The following RAB1B variants were observed in gnomAD, a reference collection of about 807,000 sequenced individuals.
RAB1B encodes the protein RAB1B, member RAS oncogene family, also known as ras-related protein Rab-1B.
In RAB1B, 10 loss-of-function variants were observed where a neutral mutation model predicts 24.8. That is an observed-to-expected ratio of 0.40 (90% CI 0.25 to 0.68). The LOEUF is 0.68. Among genes scored for constraint, RAB1B ranks in the 30% least tolerant of loss-of-function variants. The probability of loss-of-function intolerance (pLI) is 0.37; values close to 1 mark genes in which losing one functional copy is unlikely to be tolerated. For missense variants in RAB1B, 154 were observed against 271.2 expected (o/e 0.57, Z 3.04); for synonymous variants, 99 against 111.7 (o/e 0.89, Z 0.72).
At position 66,276,771 on chromosome 11, in the gene RAB1B, C is replaced by T. The variant is rs1327719808; in HGVS notation, c.*533C>T. ...GGCCCAGCAGCCCACCCTTTCCTCT[C>T]CCCACTGCCTCCTCTCCCTTCCTAC... On this transcript the variant is annotated 3_prime_UTR_variant, in exon 6 of 6. Coordinates refer to ENST00000311481, the MANE Select transcript of RAB1B (RefSeq NM_030981.3). The T allele has an allele frequency of 6.5e-6, 1 of 153,146 alleles. No homozygotes were observed. Among genetic ancestry groups the T allele is most frequent in the African/African-American group, 2.4e-5 (1 of 41,348 alleles). The allele number at this position is 153,146 out of a possible 1,614,324, so 9.5% of individuals were successfully genotyped here.
At chr11:66,272,552 C>T in intron 4 of RAB1B, 92 bp downstream of exon 4, 1 of 850,422 alleles carries the variant, frequency 1.2e-6, no homozygotes, top group Non-Finnish European at 1.8e-6. Context: ...TTTCCTGATG[C>T]TTCCTGGAAA....
In RAB1B at chr11:66,276,491, A is replaced by G; in HGVS notation, c.*253A>G. ...CCTGCTGTGCTGTTGCCTCTAGGTG[A>G]CTTTCCAAGATGCCCCCCTACACAC... On this transcript the variant is annotated 3_prime_UTR_variant, in exon 6 of 6. Coordinates refer to ENST00000311481, the MANE Select transcript of RAB1B (RefSeq NM_030981.3). 2.1e-6 allele frequency: 1 copy of G among 474,388 alleles called. No homozygotes were observed. Among genetic ancestry groups the G allele is most frequent in the Non-Finnish European group, 3.7e-6 (1 of 270,224 alleles). 29.4% of individuals were successfully genotyped at this position (474,388 alleles called of 1,614,324 possible).
Position 66,275,817 on chromosome 11 carries a change from A to C in RAB1B, c.293A>C (p.Asn98Thr). 6.3e-7 allele frequency: 1 copy of C among 1,584,986 alleles called. No individual in the cohort carries two copies. The highest frequency in any genetic ancestry group is 8.6e-7 in the Non-Finnish European group (1 of 1,166,274). The change falls in exon 5 of 6, where the codon AAC becomes ACC. Residue 98 changes from asparagine to threonine, a missense_variant. By Grantham distance (65) the Asn-to-Thr change is moderately conservative. This residue lies in a region of RAB1B where 77 missense variants were observed against 173.4 expected (regional missense o/e 0.44). Transcript: ENST00000311481. ...GGCCCCCTTTAGGAATCCTACGCCA[A>C]CGTGAAGCAGTGGCTGCAGGAGATT... ...YDVTDQESYA[N>T]VKQWLQEIDR...
chr11:66,272,006 G>C, intron 2 of RAB1B, 137 bp downstream of exon 2: 1 of 940,254 alleles, frequency 1.1e-6, no homozygotes, highest in South Asian at 1.3e-5. Context: ...CAGCACATCT[G>C]CCCTGAACAA....
intron 4 of RAB1B, among the ~76,000 whole-genome samples, chr11:66,275,362 C>T (rs1166490807): frequency 3.3e-5 from 5 of 152,168 alleles, no homozygotes; most frequent in Non-Finnish European, 7.3e-5. Context: ...CTGAGAGGAC[C>T]CTCGAACTCC....
At chr11:66,268,749 G>A (rs1808507202) in intron 1 of RAB1B, 56 bp downstream of exon 1, 5 of 1,512,364 alleles carry the variant, frequency 3.3e-6, no homozygotes, top group South Asian at 2.5e-5. Context: ...ATACAGGGCT[G>A]TACGCTTACC....
rs1463037375 is a variant in RAB1B at position 66,276,376 on chromosome 11, T to C, written c.*138T>C. On this transcript the variant is annotated 3_prime_UTR_variant, in exon 6 of 6. Coordinates refer to ENST00000311481, the MANE Select transcript of RAB1B (RefSeq NM_030981.3). ...GGGTGTCCTGGGCTCCCCATCTCCT[T>C]CTGGCCCATCTGCCTGCTGCCCTGA... 6 of 793,704 alleles carry C rather than the reference T, an allele frequency of 7.6e-6. No individual in the cohort carries two copies. The highest frequency in any genetic ancestry group is 7.0e-5 in the African/African-American group (4 of 56,766). The allele number at this position is 793,704 out of a possible 1,614,324, so 49.2% of individuals were successfully genotyped here. A position where few individuals can be genotyped will look rare whatever the true frequency, so the allele number is the denominator to read the frequency against.
Position 66,268,830 on chromosome 11 carries a change from C to CCA in RAB1B, c.14+140_14+141dup, listed in dbSNP as rs1555003538. On this transcript the variant is annotated intron_variant, in intron 1 of 5. Transcript: ENST00000311481. ...GGGTCCCTCTTCCGCTGACCCCCCC[C>CCA]CACATCCGGGTTCTGCCCCTCCCCC... is the stretch of plus-strand genomic sequence containing the variant. 3,235 of 945,384 alleles carry CCA rather than the reference C, an allele frequency of 3.4e-3. 63 individuals are homozygous for CCA. Among genetic ancestry groups the CCA allele is most frequent in the Non-Finnish European group, 3.8e-3 (2,660 of 703,134 alleles). 58.6% of individuals were successfully genotyped at this position (945,384 alleles called of 1,614,324 possible). A position where few individuals can be genotyped will look rare whatever the true frequency, so the allele number is the denominator to read the frequency against.
At chr11:66,272,028 C>A in intron 2 of RAB1B, 129 bp from the exon 3 acceptor site, 1 of 951,656 alleles carries the variant, frequency 1.1e-6, no homozygotes, top group Non-Finnish European at 1.7e-6. Context: ...ACAGGGCTGG[C>A]CAGCTGAGTG....
rs781415786 is a variant in RAB1B at position 66,276,258 on chromosome 11, A to G, written c.*20A>G. ...TGCTAGGAGGGGCACATGGAGTGGG[A>G]CAGGAGGGGGCACCTTCTCCAGATG... On this transcript the variant is annotated 3_prime_UTR_variant, in exon 6 of 6. Coordinates refer to ENST00000311481, the MANE Select transcript of RAB1B (RefSeq NM_030981.3). 1 of 1,552,822 alleles carries G rather than the reference A, an allele frequency of 6.4e-7. No individual in the cohort carries two copies. Among genetic ancestry groups the G allele is most frequent in the South Asian group, 1.2e-5 (1 of 82,458 alleles).
chr11:66,274,002 TC>T (rs1485477987), intron 4 of RAB1B, among the ~76,000 whole-genome samples: 1 of 152,038 alleles, frequency 6.6e-6, no homozygotes, highest in Non-Finnish European at 1.5e-5. Context: ...AGACATGGGG[TC>T]TCACTCTGTC....
chr11:66,273,508 T>TA (rs1857093597), intron 4 of RAB1B, among the ~76,000 whole-genome samples: 3 of 152,192 alleles, frequency 2.0e-5, no homozygotes, highest in African/African-American at 7.2e-5. Context: ...GATTCTCTAT[T>TA]GTCAGTGTCT....
chr11:66,273,169 C>T (rs1857088689), intron 4 of RAB1B, among the ~76,000 whole-genome samples: 1 of 152,218 alleles, frequency 6.6e-6, no homozygotes, highest in African/African-American at 2.4e-5. Flanking sequence ...GCTCATTCCA[C>T]CTGCTTTGTT....
chr11:66,272,111 C>G (rs540836609), intron 2 of RAB1B, 46 bp from the exon 3 acceptor site: 1 of 1,406,426 alleles, frequency 7.1e-7, no homozygotes, highest in Non-Finnish European at 1.0e-6. Flanking sequence ...CCAAGTGGGC[C>G]TCACCTCATT....
chr11:66,268,918 A>G (rs1441017180), intron 1 of RAB1B, among the ~76,000 whole-genome samples: 1 of 140,932 alleles, frequency 7.1e-6, no homozygotes, highest in Non-Finnish European at 1.5e-5. Flanking sequence ...AGACGTGGCG[A>G]CCCCCAGGGG....
chr11:66,275,465 G>A (rs1403135596), intron 4 of RAB1B, among the ~76,000 whole-genome samples: 1 of 152,122 alleles, frequency 6.6e-6, no homozygotes, highest in African/African-American at 2.4e-5. Flanking sequence ...CCTATCTCCC[G>A]TCCGCTCTCT....
At chr11:66,271,574 G>T in intron 1 of RAB1B, 1 of 426,892 alleles carries the variant, frequency 2.3e-6, no homozygotes, top group Non-Finnish European at 4.2e-6. Flanking sequence ...GGAAGCTGAG[G>T]TGGGAAGATC....
At chr11:66,271,606 G>A (rs904492367) in intron 1 of RAB1B, 191 bp from the exon 2 acceptor site, 1 of 522,442 alleles carries the variant, frequency 1.9e-6, no homozygotes, top group Non-Finnish European at 3.4e-6. Flanking sequence ...GCAAGGTAGA[G>A]GCTGCAATGA....
chr11:66,275,726 T>A (rs1190411757), intron 4 of RAB1B, 78 bp from the exon 5 acceptor site: 2 of 1,484,888 alleles, frequency 1.3e-6, no homozygotes, highest in African/African-American at 1.4e-5. Flanking sequence ...ACTGTTCCCC[T>A]CAGAGAAGGT....
Sources: allele counts gnomAD v4.1 joint callset (sites outside exome capture counted in the v4.1 genomes callset), GRCh38; gene constraint gnomAD v4.1.1; regional missense constraint gnomAD v4.1.1; transcripts MANE v1.5; gene names NCBI Gene and HGNC (gene_info 2026-07-23, HGNC 2026-07-21).